The following NAV3 variants were observed in gnomAD, a reference collection of about 807,000 sequenced individuals.
The protein encoded by NAV3 is pore membrane and/or filament interacting like protein 1.
NAV3 carries 87 observed loss-of-function variants against 244.7 expected under a neutral mutation model. The observed-to-expected ratio is 0.36, with a 90% CI of 0.30 to 0.42. NAV3 has a LOEUF of 0.42. Among genes scored for constraint, NAV3 ranks in the 20% least tolerant of loss-of-function variants. NAV3 has a pLI of 1.00. For synonymous variants in NAV3, 1,126 were observed against 1,042.2 expected, an observed-to-expected ratio of 1.08 and a Z score of -1.55; for missense variants, 2,663 against 2,893.3, an observed-to-expected ratio of 0.92 and a Z score of 1.83.
At chr12:77,651,958 G>C (rs1872841480) in intron 2 of NAV3, among the ~76,000 whole-genome samples, 1 of 152,142 alleles carries the variant, frequency 6.6e-6, no homozygotes, top group Non-Finnish European at 1.5e-5. Context: ...GTACTAGTGG[G>C]AAAAGCGGAG....
intron 1 of NAV3, among the ~76,000 whole-genome samples, chr12:77,890,851 A>G (rs187816215): frequency 6.6e-6 from 1 of 152,362 alleles, no homozygotes; most frequent in East Asian, 1.9e-4. Flanking sequence ...TTCTCCTGAA[A>G]GTAAATTCAA....
At chr12:78,196,460 A>T (rs1347285338) in intron 34 of NAV3, among the ~76,000 whole-genome samples, 1 of 151,994 alleles carries the variant, frequency 6.6e-6, no homozygotes, top group Non-Finnish European at 1.5e-5. Context: ...CAAATTGAAA[A>T]TGTCATTGTA....
intron 11 of NAV3, among the ~76,000 whole-genome samples, chr12:78,057,274 G>A (rs1883650124): frequency 6.6e-6 from 1 of 152,182 alleles, no homozygotes; most frequent in Non-Finnish European, 1.5e-5. Context: ...TCTACTTTAA[G>A]TCACGTGACC....
intron 2 of NAV3, among the ~76,000 whole-genome samples, chr12:77,666,737 C>A (rs1360557881): frequency 6.6e-6 from 1 of 152,108 alleles, no homozygotes; most frequent in African/African-American, 2.4e-5. Context: ...ATATTCACAT[C>A]AGATAGGAGG....
At chr12:78,031,836 G>A (rs1182093081) in intron 9 of NAV3, among the ~76,000 whole-genome samples, 12 of 151,578 alleles carry the variant, frequency 7.9e-5, no homozygotes, top group Admixed American at 6.6e-4. Context: ...GTATACATAT[G>A]TAACTAACCT....
At chr12:77,737,367 A>G (rs373520794) in intron 2 of NAV3, among the ~76,000 whole-genome samples, 1 of 151,284 alleles carries the variant, frequency 6.6e-6, no homozygotes, top group East Asian at 1.9e-4. Context: ...AAAATTGCCA[A>G]CTCTAAGTTC....
intron 2 of NAV3, among the ~76,000 whole-genome samples, chr12:77,611,942 G>A (rs538092147): frequency 7.2e-5 from 11 of 151,992 alleles, no homozygotes; most frequent in South Asian, 2.1e-4. Context: ...TTGTTGTCCC[G>A]TATAATGTTG....
At chr12:77,884,560 G>A (rs1048275914) in intron 1 of NAV3, among the ~76,000 whole-genome samples, 1 of 152,108 alleles carries the variant, frequency 6.6e-6, no homozygotes, top group Non-Finnish European at 1.5e-5. Context: ...GGCAGAAAAA[G>A]GGTGTCCCAG....
chr12:78,030,447 G>GA (rs1168087242), intron 9 of NAV3, among the ~76,000 whole-genome samples: 1 of 152,090 alleles, frequency 6.6e-6, no homozygotes, highest in East Asian at 1.9e-4. Flanking sequence ...CTAGGAATTG[G>GA]AAAAAATAAA....
chr12:78,061,723 A>G (rs1238789410), intron 12 of NAV3, among the ~76,000 whole-genome samples: 1 of 152,046 alleles, frequency 6.6e-6, no homozygotes, highest in Non-Finnish European at 1.5e-5. Context: ...TCTATGAAAA[A>G]TTGTTTCAAA....
At chr12:78,095,430 TGAA>T (rs1954199124) in intron 12 of NAV3, among the ~76,000 whole-genome samples, 1 of 152,162 alleles carries the variant, frequency 6.6e-6, no homozygotes, top group South Asian at 2.1e-4. Flanking sequence ...AGAGAACACT[TGAA>T]GAAGTACAGA....
At chr12:77,655,285 A>G (rs1422854043) in intron 2 of NAV3, among the ~76,000 whole-genome samples, 6 of 152,232 alleles carry the variant, frequency 3.9e-5, no homozygotes, top group African/African-American at 1.4e-4. Flanking sequence ...CTGAAAGCCA[A>G]GGCTCGAGAA....
In NAV3 at chr12:77,831,208, AGAGAGAGAGAAAG is replaced by A; in HGVS notation, c.-253_-241del. 3.3e-6 allele frequency: 1 copy of A among 305,210 alleles called. No homozygotes were observed. The allele number at this position is 305,210 out of a possible 1,614,324, so 18.9% of individuals were successfully genotyped here. ...GAGAGAGAGAGACAGAGAGAGAGAGAGAGAGAGAGAAAGAGAGAGAGAGAGAGAATGAGAATGA... is the reference window on the plus strand; with the variant it reads ...GAGAGAGAGAGACAGAGAGAGAGAGAAGAGAGAGAGAGAGAATGAGAATGA... On this transcript the variant is annotated 5_prime_UTR_variant, in exon 1 of 40. Transcript: ENST00000397909.
At chr12:78,192,633 A>G (rs1042229067) in intron 34 of NAV3, among the ~76,000 whole-genome samples, 3 of 151,858 alleles carry the variant, frequency 2.0e-5, no homozygotes, top group African/African-American at 7.3e-5. Context: ...GATGGTCTCA[A>G]TCCCCTGACC....
At chr12:78,209,883 C>A (rs923129349) in intron 39 of NAV3, among the ~76,000 whole-genome samples, 15 of 152,198 alleles carry the variant, frequency 9.9e-5, no homozygotes, top group African/African-American at 3.4e-4. Flanking sequence ...TCACCTCCTC[C>A]CGAGGTCAGC....
At chr12:77,673,099 A>T (rs1243399453) in intron 2 of NAV3, among the ~76,000 whole-genome samples, 6 of 152,124 alleles carry the variant, frequency 3.9e-5, no homozygotes, top group African/African-American at 1.4e-4. Flanking sequence ...TGCTATATAC[A>T]TTTTTACTTT....
chr12:77,596,690 A>G (rs1233278878), intron 2 of NAV3, among the ~76,000 whole-genome samples: 1 of 152,198 alleles, frequency 6.6e-6, no homozygotes, highest in Non-Finnish European at 1.5e-5. Context: ...TAGTTTTAAT[A>G]CAGAGTAATC....
intron 9 of NAV3, among the ~76,000 whole-genome samples, chr12:78,022,719 G>C (rs1877362501): frequency 6.6e-6 from 1 of 152,058 alleles, no homozygotes; most frequent in Non-Finnish European, 1.5e-5. Context: ...TGAAGCTCAA[G>C]CGACTCTATC....
intron 35 of NAV3, 44 bp downstream of exon 35, chr12:78,197,445 A>T (rs367961350): frequency 1.4e-6 from 2 of 1,462,898 alleles, no homozygotes; most frequent in East Asian, 2.4e-5. Flanking sequence ...TGAAATAATT[A>T]TCATCAAATT....
Sources: allele counts gnomAD v4.1 joint callset (sites outside exome capture counted in the v4.1 genomes callset), GRCh38; gene constraint gnomAD v4.1.1; transcripts MANE v1.5; gene names NCBI Gene and HGNC (gene_info 2026-07-23, HGNC 2026-07-21).